CNTN4: variants seen among roughly 807,000 people sequenced by gnomAD.
The protein encoded by CNTN4 is contactin-4.
Under a neutral mutation model 122.5 loss-of-function variants are expected in CNTN4, and 77 were observed. The ratio of observed to expected loss-of-function variants is 0.63; its 90% CI spans 0.52 to 0.76. The LOEUF (loss-of-function observed/expected upper bound fraction) is 0.76. Ranked by LOEUF, CNTN4 falls within the 30% of genes least tolerant of loss-of-function variation. The probability of loss-of-function intolerance (pLI) is 0.00; values close to 1 mark genes in which losing one functional copy is unlikely to be tolerated. For missense variants in CNTN4, 1,256 were observed against 1,259.1 expected (o/e 1.00, Z 0.04); for synonymous variants, 512 against 447.0 (o/e 1.15, Z -1.83).
chr3:2,381,018 T>C (rs1172346457), intron 3 of CNTN4, among the ~76,000 whole-genome samples: 1 of 152,034 alleles, frequency 6.6e-6, no homozygotes, highest in African/African-American at 2.4e-5. Context: ...CTTCCTTTTT[T>C]TTTTGGAGAC....
At chr3:2,176,537 G>T (rs1169555060) in intron 2 of CNTN4, among the ~76,000 whole-genome samples, 1 of 152,004 alleles carries the variant, frequency 6.6e-6, no homozygotes, top group Non-Finnish European at 1.5e-5. Flanking sequence ...TTTAAAATAA[G>T]AATTTAACAA....
chr3:2,199,500 A>ATTCTGCTTCTG (rs756277529), intron 2 of CNTN4, among the ~76,000 whole-genome samples: 75 of 152,232 alleles, frequency 4.9e-4, no homozygotes, highest in South Asian at 1.0e-3. Flanking sequence ...ATAGAATGAA[A>ATTCTGCTTCTG]CACCTGGATT....
At chr3:2,793,012 T>G (rs2092061058) in intron 6 of CNTN4, among the ~76,000 whole-genome samples, 1 of 152,202 alleles carries the variant, frequency 6.6e-6, no homozygotes, top group Non-Finnish European at 1.5e-5. Flanking sequence ...TGGGGAAGTA[T>G]TATTGTTTCC....
chr3:2,688,345 G>C (rs2085546353), intron 4 of CNTN4, among the ~76,000 whole-genome samples: 1 of 152,092 alleles, frequency 6.6e-6, no homozygotes. Flanking sequence ...CTCCACCCAA[G>C]AACCAAAGGA....
intron 3 of CNTN4, among the ~76,000 whole-genome samples, chr3:2,432,009 C>T (rs1279818757): frequency 4.6e-5 from 7 of 152,206 alleles, no homozygotes; most frequent in Admixed American, 4.6e-4. Context: ...CTGTAATGCC[C>T]TGCAAATCGC....
At chr3:2,620,239 C>G (rs141032618) in intron 4 of CNTN4, among the ~76,000 whole-genome samples, 1 of 152,168 alleles carries the variant, frequency 6.6e-6, no homozygotes, top group Non-Finnish European at 1.5e-5. Context: ...GGGGCTCACA[C>G]CTGTAATCTC....
chr3:2,149,325 C>T (rs2035392350), intron 2 of CNTN4, among the ~76,000 whole-genome samples: 1 of 152,106 alleles, frequency 6.6e-6, no homozygotes, highest in Non-Finnish European at 1.5e-5. Flanking sequence ...TGTCTGTTTT[C>T]ATGCGGAGCA....
intron 2 of CNTN4, among the ~76,000 whole-genome samples, chr3:2,267,318 A>G (rs1001147851): frequency 6.6e-6 from 1 of 152,128 alleles, no homozygotes; most frequent in Non-Finnish European, 1.5e-5. Flanking sequence ...GAAGAACACT[A>G]TTTCAAAGAG....
At chr3:2,166,817 ATAT>A (rs1158445530) in intron 2 of CNTN4, among the ~76,000 whole-genome samples, 1 of 152,148 alleles carries the variant, frequency 6.6e-6, no homozygotes, top group African/African-American at 2.4e-5. Context: ...ACATATGCTT[ATAT>A]ATTTAAAGAT....
At chr3:2,424,319 G>A (rs1553645616) in intron 3 of CNTN4, among the ~76,000 whole-genome samples, 3 of 148,614 alleles carry the variant, frequency 2.0e-5, no homozygotes, top group South Asian at 2.2e-4. Flanking sequence ...TGTGATGTTT[G>A]TTTTTTTGTC....
chr3:2,622,420 C>T (rs75667192), intron 4 of CNTN4, among the ~76,000 whole-genome samples: 6,283 of 152,162 alleles, frequency 0.041, 200 homozygotes, highest in Admixed American at 0.091. Flanking sequence ...ACTCCCCAAG[C>T]AGTTGGGATT....
chr3:2,729,968 C>T (rs970658416), intron 4 of CNTN4, among the ~76,000 whole-genome samples: 4 of 152,080 alleles, frequency 2.6e-5, no homozygotes, highest in Admixed American at 2.0e-4. Context: ...GATGCTTGCT[C>T]AAATGCTGTT....
At position 2,157,037 on chromosome 3, in the gene CNTN4, G is replaced by A. The variant is rs1368560505; in HGVS notation, c.-145+56398G>A. Among the ~76,000 whole-genome samples, 3 of 151,980 alleles carry A rather than the reference G, an allele frequency of 2.0e-5. No homozygotes were observed. The South Asian group carries it at 6.2e-4, about 32-fold the overall frequency. On this transcript the variant is annotated intron_variant, in intron 2 of 24. Transcript: ENST00000418658. The stretch of plus-strand genomic sequence containing the variant: ...GCCTGCCTCCTTGCATTTCCGTTTC[G>A]TTGGTTTACCAAATAGATTTCATTG...
At chr3:2,112,534 C>G (rs531259083) in intron 2 of CNTN4, among the ~76,000 whole-genome samples, 18 of 152,154 alleles carry the variant, frequency 1.2e-4, no homozygotes, top group Admixed American at 9.2e-4. Flanking sequence ...GTTTTTACAG[C>G]CTTTCAAGAA....
intron 2 of CNTN4, among the ~76,000 whole-genome samples, chr3:2,318,493 G>A (rs184889789): frequency 1.3e-5 from 2 of 152,234 alleles, no homozygotes; most frequent in African/African-American, 2.4e-5. Flanking sequence ...TGAAGCATTT[G>A]TATAATTAAT....
chr3:2,734,548 A>G (rs552192399), intron 4 of CNTN4, among the ~76,000 whole-genome samples: 1 of 152,174 alleles, frequency 6.6e-6, no homozygotes, highest in Non-Finnish European at 1.5e-5. Flanking sequence ...TTCTCACAAC[A>G]AGATCGTGGG....
intron 3 of CNTN4, among the ~76,000 whole-genome samples, chr3:2,550,975 A>G (rs1179544725): frequency 6.6e-6 from 1 of 152,088 alleles, no homozygotes; most frequent in Non-Finnish European, 1.5e-5. Flanking sequence ...TAGTGGAGGG[A>G]TAGCATTAGG....
intron 13 of CNTN4, among the ~76,000 whole-genome samples, chr3:2,927,897 T>C (rs1459052873): frequency 6.6e-6 from 1 of 152,222 alleles, no homozygotes; most frequent in African/African-American, 2.4e-5. Flanking sequence ...TTAGCACTTA[T>C]TCTCCACATG....
At chr3:2,167,061 TAAA>T (rs993825403) in intron 2 of CNTN4, among the ~76,000 whole-genome samples, 3 of 152,246 alleles carry the variant, frequency 2.0e-5, no homozygotes, top group African/African-American at 4.8e-5. Flanking sequence ...ATAGATGTAA[TAAA>T]AATAAATTTA....
Sources: gnomAD v4.1 joint callset for allele counts (sites outside exome capture counted in the v4.1 genomes callset) on GRCh38, gnomAD v4.1.1 for gene constraint, MANE v1.5 for transcripts, NCBI Gene and HGNC (gene_info 2026-07-23, HGNC 2026-07-21) for gene names.